ARL6IP4: variants seen among roughly 807,000 people sequenced by gnomAD.
The protein encoded by ARL6IP4 is ARF like GTPase 6 interacting protein 4.
In ARL6IP4, 24 loss-of-function variants were observed where a neutral mutation model predicts 28.1. The observed-to-expected ratio is 0.86, with a 90% CI of 0.62 to 1.20. The LOEUF is 1.20. Among genes scored for constraint, ARL6IP4 ranks in the 50% most tolerant of loss-of-function variants. The pLI is 0.00. For synonymous variants in ARL6IP4, 162 were observed against 122.3 expected, an observed-to-expected ratio of 1.32 and a Z score of -2.14; for missense variants, 343 against 302.4, an observed-to-expected ratio of 1.13 and a Z score of -1.00.
Position 122,981,723 on chromosome 12 carries a change from G to A in ARL6IP4, c.313G>A (p.Gly105Arg), listed in dbSNP as rs1418408806. The A allele has an allele frequency of 1.9e-6, 3 of 1,552,898 alleles. No homozygotes were observed. Among genetic ancestry groups the A allele is most frequent in the African/African-American group, 2.7e-5 (2 of 73,164 alleles). The change falls in exon 3 of 6, where the codon GGG becomes AGG. Residue 105 changes from glycine to arginine, a missense_variant. Transcript: ENST00000315580. ...SSSSDGRKKR[G>R]KYKDKRRKKK... is the part of the protein sequence containing the mutation. Reference sequence around the variant, plus strand: ...CTCCAGTGATGGCCGGAAGAAGCGGGGGAAGTACAAGGACAAGAGGAGGAA... The same window carrying A: ...CTCCAGTGATGGCCGGAAGAAGCGGAGGAAGTACAAGGACAAGAGGAGGAA...
intron 4 of ARL6IP4, 127 bp from the exon 5 acceptor site, chr12:122,982,342 G>C: frequency 2.0e-6 from 2 of 977,908 alleles, no homozygotes; most frequent in East Asian, 5.2e-5. Flanking sequence ...TGAGGCCCCA[G>C]GGTCTGTCCA....
In ARL6IP4 at chr12:122,981,850, G is replaced by A. The variant is rs376219555; in HGVS notation, c.440G>A (p.Arg147Gln). The A allele has an allele frequency of 6.2e-6, 10 of 1,610,474 alleles. No individual in the cohort carries two copies. Among genetic ancestry groups the A allele is most frequent in the African/African-American group, 5.3e-5 (4 of 74,852 alleles). The change falls in exon 3 of 6, where the codon CGA becomes CAA. Residue 147 changes from arginine (R) to glutamine (Q), a missense_variant. Coordinates refer to ENST00000315580, the MANE Select transcript of ARL6IP4 (RefSeq NM_018694.4). Reference protein sequence around the residue: ...LPGPSLDQWHRSAGEEEDGPV... With the variant: ...LPGPSLDQWHQSAGEEEDGPV... Reference sequence around the variant, plus strand: ...GGCCCCTCGCTGGACCAGTGGCACCGATCAGCTGGGGAGGAAGAGGATGGC... The same window carrying A: ...GGCCCCTCGCTGGACCAGTGGCACCAATCAGCTGGGGAGGAAGAGGATGGC...
chr12:122,981,666 T>G lies in ARL6IP4; in HGVS notation c.256T>G (p.Ser86Ala). The change falls in exon 3 of 6, where the codon TCC (serine) becomes GCC (alanine). Residue 86 changes from serine to alanine, a missense_variant. By Grantham distance (99) the Ser-to-Ala change is moderately conservative. Transcript: ENST00000315580. ...SSSSSSSSSS[S>A]SSSSSSSSSS... ...CTCCTCTTCTTCCAGTTCTTCTAGCTCCTCTTCTTCCTCCTCGTCCTCCTC... is the reference window on the plus strand; with the variant it reads ...CTCCTCTTCTTCCAGTTCTTCTAGCGCCTCTTCTTCCTCCTCGTCCTCCTC... 1 of 1,554,612 alleles carries G rather than the reference T, an allele frequency of 6.4e-7. No homozygotes were observed. Among genetic ancestry groups the G allele is most frequent in the Non-Finnish European group, 8.7e-7 (1 of 1,149,190 alleles).
At chr12:122,981,533 G>C in intron 2 of ARL6IP4, 38 bp from the exon 3 acceptor site, 2 of 1,500,222 alleles carry the variant, frequency 1.3e-6, no homozygotes, top group Non-Finnish European at 1.8e-6. Flanking sequence ...GCCAGAGCAG[G>C]GGACGAAGGT....
At chr12:122,980,303 C>G (rs755499468), upstream of ARL6IP4, 29 of 1,283,286 alleles carry the variant, frequency 2.3e-5, no homozygotes, top group Non-Finnish European at 2.8e-5. Flanking sequence ...TTTCTGGCCC[C>G]TACGGACACG....
Position 122,980,797 on chromosome 12 carries a change from G to A in ARL6IP4, c.-12+52G>A, listed in dbSNP as rs1011537722. The A allele has an allele frequency of 7.7e-6, 10 of 1,305,010 alleles. No individual in the cohort carries two copies. In the Admixed American group the frequency reaches 2.5e-4, roughly 33 times the overall value. The allele number at this position is 1,305,010 out of a possible 1,614,324, so 80.8% of individuals were successfully genotyped here. A position where few individuals can be genotyped will look rare whatever the true frequency, so the allele number is the denominator to read the frequency against. ...CCCTTGAGGCGGCGAGGCCGCGAAG[G>A]GCGCGGGGCTGGAGGGTAGGAGAGC... is the stretch of plus-strand genomic sequence containing the variant. On this transcript the variant is annotated intron_variant, in intron 1 of 5. Coordinates refer to ENST00000315580, the MANE Select transcript of ARL6IP4 (RefSeq NM_018694.4).
At chr12:122,982,148 G>C in intron 4 of ARL6IP4, 74 bp downstream of exon 4, 1 of 1,540,696 alleles carries the variant, frequency 6.5e-7, no homozygotes, top group Non-Finnish European at 9.0e-7. Context: ...CTCGGGAGGA[G>C]TGGGGCCGGG....
At chr12:122,980,443 T>G, upstream of ARL6IP4, 2 of 1,360,810 alleles carry the variant, frequency 1.5e-6, no homozygotes, top group Non-Finnish European at 1.9e-6. Context: ...GGTCGCCTTC[T>G]TCCCAGGGCA....
chr12:122,981,906 G>A, intron 3 of ARL6IP4, 27 bp downstream of exon 3: 1 of 1,613,514 alleles, frequency 6.2e-7, no homozygotes, highest in Non-Finnish European at 8.5e-7. Context: ...CACCTGAGAG[G>A]GAGAAGGTCG....
intron 1 of ARL6IP4, 102 bp downstream of exon 1, chr12:122,980,847 T>C: frequency 7.5e-7 from 1 of 1,331,604 alleles, no homozygotes; most frequent in South Asian, 2.1e-5. Flanking sequence ...CAGACGCCAC[T>C]CGCGGCGGAC....
upstream of ARL6IP4, chr12:122,980,659 G>C: frequency 7.2e-7 from 1 of 1,380,216 alleles, no homozygotes; most frequent in South Asian, 1.6e-5. Context: ...CCAGCCTCCC[G>C]CGCAGCGCCC....
rs771187096 is a variant in ARL6IP4, at chr12:122,982,523, C to G, written c.642C>G (p.His214Gln). 71 of 1,614,060 alleles carry G rather than the reference C, an allele frequency of 4.4e-5. No individual in the cohort carries two copies. Among genetic ancestry groups the G allele is most frequent in the Non-Finnish European group, 5.3e-5 (63 of 1,180,026 alleles). Residue 214 changes from histidine to glutamine, a missense_variant, in exon 5 of 6, where the codon CAC (histidine) becomes CAG (glutamine). Coordinates refer to ENST00000315580, the MANE Select transcript of ARL6IP4 (RefSeq NM_018694.4). Reference protein sequence around the residue: ...VLEEIVTKERHREINKQATRG... With the variant: ...VLEEIVTKERQREINKQATRG... ...AGGAAATCGTAACCAAAGAACGACACAGAGAGATCAACAAGGTGGGTGTGG... is the reference window on the plus strand; with the variant it reads ...AGGAAATCGTAACCAAAGAACGACAGAGAGAGATCAACAAGGTGGGTGTGG...
At chr12:122,980,309 A>C, upstream of ARL6IP4, 1 of 1,289,038 alleles carries the variant, frequency 7.8e-7, no homozygotes, top group Non-Finnish European at 9.8e-7. Context: ...GCCCCTACGG[A>C]CACGAGTTTG....
Position 122,981,217 on chromosome 12 carries a change from G to A in ARL6IP4, c.78G>A (p.Lys26=), listed in dbSNP as rs1555282596. 5 of 1,549,984 alleles carry A rather than the reference G, an allele frequency of 3.2e-6. No individual in the cohort carries two copies. The highest frequency in any genetic ancestry group is 4.4e-6 in the Non-Finnish European group (5 of 1,146,658). The change falls in exon 2 of 6, where the codon AAG becomes AAA. Residue 26 remains lysine, a synonymous_variant. Coordinates refer to ENST00000315580, the MANE Select transcript of ARL6IP4 (RefSeq NM_018694.4). The stretch of plus-strand genomic sequence containing the variant: ...GACGGGGGTCGGAAAAGAGAAAGAA[G>A]AAGAGCAGGAAAGACACCTCGAGGA... The part of the protein sequence containing the change: ...SRGRGSEKRK[K]KSRKDTSRNC...
In ARL6IP4 at chr12:122,982,773, T is replaced by A; in HGVS notation, c.*97T>A. The A allele has an allele frequency of 7.6e-7, 1 of 1,312,566 alleles. No individual in the cohort carries two copies. Among genetic ancestry groups the A allele is most frequent in the Non-Finnish European group, 1.1e-6 (1 of 929,804 alleles). The allele number at this position is 1,312,566 out of a possible 1,614,324, so 81.3% of individuals were successfully genotyped here. On this transcript the variant is annotated 3_prime_UTR_variant, in exon 6 of 6. Transcript: ENST00000315580. ...GAAGCCTGATGGGTGCTGGTGGCCTTTCCCCCGTGGATTGGTCTCTGGCCC... is the reference window on the plus strand; with the variant it reads ...GAAGCCTGATGGGTGCTGGTGGCCTATCCCCCGTGGATTGGTCTCTGGCCC...
chr12:122,980,845 A>C, intron 1 of ARL6IP4, 100 bp downstream of exon 1: 1 of 1,332,180 alleles, frequency 7.5e-7, no homozygotes, highest in East Asian at 3.1e-5. Context: ...CCCAGACGCC[A>C]CTCGCGGCGG....
chr12:122,981,555 C>A lies in ARL6IP4; in HGVS notation c.161-16C>A. 6.5e-7 allele frequency: 1 copy of A among 1,530,096 alleles called. No homozygotes were observed. The highest frequency in any genetic ancestry group is 2.4e-5 in the East Asian group (1 of 42,472). The allele number at this position is 1,530,096 out of a possible 1,614,324, so 94.8% of individuals were successfully genotyped here. A position where few individuals can be genotyped will look rare whatever the true frequency, so the allele number is the denominator to read the frequency against. On this transcript the variant is annotated splice_polypyrimidine_tract_variant and intron_variant, in intron 2 of 5. Transcript: ENST00000315580. ...CAGGGGACGAAGGTTTACCTCTTCC[C>A]CTCCTGGCCTTCCAGCCTCACCTTC...
Position 122,981,305 on chromosome 12 carries a change from G to A in ARL6IP4, c.160+6G>A, listed in dbSNP as rs1166793006. 12 of 1,543,064 alleles carry A rather than the reference G, an allele frequency of 7.8e-6. No homozygotes were observed. The highest frequency in any genetic ancestry group is 1.0e-5 in the Non-Finnish European group (12 of 1,143,038). ...CACGGCCCCTGGGGCGGAGGGTGAG[G>A]ACCACAGGCATCGGGGAGAGGAGGC... On this transcript the variant is annotated splice_donor_region_variant and intron_variant, in intron 2 of 5. Transcript: ENST00000315580.
At chr12:122,980,816 G>C in intron 1 of ARL6IP4, 71 bp downstream of exon 1, 3 of 1,328,250 alleles carry the variant, frequency 2.3e-6, no homozygotes, top group Non-Finnish European at 2.9e-6. Context: ...CTGGAGGGTA[G>C]GAGAGCGCGG....
Sources: allele counts gnomAD v4.1 joint callset, GRCh38; gene constraint gnomAD v4.1.1; transcripts MANE v1.5; gene names NCBI Gene and HGNC (gene_info 2026-07-23, HGNC 2026-07-21).